The following WWOX variants were observed in gnomAD, a reference collection of about 807,000 sequenced individuals.
WWOX encodes the protein WW domain containing oxidoreductase, also known as WW domain-containing oxidoreductase.
Under a neutral mutation model 46.2 loss-of-function variants are expected in WWOX, and 69 were observed. That is an observed-to-expected ratio of 1.49 (90% CI 1.23 to 1.82). The LOEUF is 1.82. Ranked by LOEUF, WWOX falls within the 40% of genes most tolerant of loss-of-function variation. The pLI, the probability that WWOX is intolerant of heterozygous loss-of-function variation, is 0.00. For missense variants in WWOX, 919 were observed against 542.6 expected (o/e 1.69, Z -6.89); for synonymous variants, 359 against 202.6 (o/e 1.77, Z -6.56).
At chr16:78,943,844 G>A (rs968727227) in intron 8 of WWOX, among the ~76,000 whole-genome samples, 2 of 152,098 alleles carry the variant, frequency 1.3e-5, no homozygotes, top group African/African-American at 2.4e-5. Context: ...CCGATGTCCC[G>A]AAAGAGCACA....
At chr16:78,814,358 TAATTC>T (rs1289621343) in intron 8 of WWOX, among the ~76,000 whole-genome samples, 1 of 152,142 alleles carries the variant, frequency 6.6e-6, no homozygotes, top group African/African-American at 2.4e-5. Context: ...TTTTCTATAT[TAATTC>T]AAATCATATT....
At chr16:78,244,761 G>A (rs1269605271) in intron 5 of WWOX, among the ~76,000 whole-genome samples, 1 of 152,120 alleles carries the variant, frequency 6.6e-6, no homozygotes, top group Non-Finnish European at 1.5e-5. Context: ...AAGTAGGCGG[G>A]CCCGAAATGT....
intron 8 of WWOX, among the ~76,000 whole-genome samples, chr16:78,460,896 G>T (rs1285970679): frequency 1.3e-5 from 2 of 152,184 alleles, no homozygotes; most frequent in Non-Finnish European, 2.9e-5. Context: ...TGTTTTCTCT[G>T]GAGAATAATT....
intron 7 of WWOX, 109 bp from the exon 8 acceptor site, chr16:78,432,379 T>A (rs183911563): frequency 1.4e-4 from 205 of 1,452,050 alleles, no homozygotes; most frequent in Middle Eastern, 8.8e-4. Flanking sequence ...GTGCTCGGAT[T>A]ACAGATGTGA....
chr16:78,855,859 G>A (rs1372090757), intron 8 of WWOX, among the ~76,000 whole-genome samples: 1 of 152,168 alleles, frequency 6.6e-6, no homozygotes, highest in African/African-American at 2.4e-5. Flanking sequence ...AAGCCCAGGG[G>A]ATCCAGGGAA....
At chr16:78,533,175 T>C (rs2043665564) in intron 8 of WWOX, among the ~76,000 whole-genome samples, 1 of 152,058 alleles carries the variant, frequency 6.6e-6, no homozygotes, top group African/African-American at 2.4e-5. Flanking sequence ...CCTGAGGCTA[T>C]CTTTACAGGT....
intron 8 of WWOX, among the ~76,000 whole-genome samples, chr16:79,085,291 A>T (rs1004828438): frequency 2.0e-5 from 3 of 152,110 alleles, no homozygotes; most frequent in Non-Finnish European, 4.4e-5. Flanking sequence ...TTTCCCAATG[A>T]TGAAGGAGCT....
Position 78,585,635 on chromosome 16 carries a change from G to A in WWOX, c.1056+152883G>A, listed in dbSNP as rs74029575. The stretch of plus-strand genomic sequence containing the variant: ...CTCAAGTCACTTCGCAGCACAATCC[G>A]TTTGTTGTTGCTGTTGTTTTTTCTT... On this transcript the variant is annotated intron_variant, in intron 8 of 8. Transcript: ENST00000566780. Among the ~76,000 whole-genome samples the A allele has an allele frequency of 6.2e-3, 944 of 151,234 alleles. 9 individuals carry two copies. Among genetic ancestry groups the A allele is most frequent in the African/African-American group, 0.022 (895 of 41,252 alleles).
chr16:79,174,353 A>T (rs1456402289), intron 8 of WWOX, among the ~76,000 whole-genome samples: 1 of 152,208 alleles, frequency 6.6e-6, no homozygotes, highest in Non-Finnish European at 1.5e-5. Context: ...ATCCTTCAAG[A>T]TTAAGAAGGG....
intron 5 of WWOX, among the ~76,000 whole-genome samples, chr16:78,241,432 T>G (rs183570963): frequency 6.6e-5 from 10 of 152,142 alleles, no homozygotes; most frequent in Non-Finnish European, 1.2e-4. Flanking sequence ...TTTTTTGGTT[T>G]GTTTGTTTGT....
At chr16:78,103,794 G>A (rs2031955879) in intron 1 of WWOX, among the ~76,000 whole-genome samples, 1 of 151,974 alleles carries the variant, frequency 6.6e-6, no homozygotes, top group South Asian at 2.1e-4. Flanking sequence ...CCATGGCCAG[G>A]GATAGAGGCT....
At chr16:78,925,063 T>A (rs1262564560) in intron 8 of WWOX, among the ~76,000 whole-genome samples, 1 of 152,036 alleles carries the variant, frequency 6.6e-6, no homozygotes, top group African/African-American at 2.4e-5. Flanking sequence ...GGCATGGTGG[T>A]GTGTGCCTGT....
Position 78,775,046 on chromosome 16 carries a change from C to T in WWOX, c.1056+342294C>T, listed in dbSNP as rs531034041. On this transcript the variant is annotated intron_variant, in intron 8 of 8. Coordinates refer to ENST00000566780, the MANE Select transcript of WWOX (RefSeq NM_016373.4). Reference sequence around the variant, plus strand: ...GCGAGAGACATCACAGCCCTCACTCCTGAGGGTGGGGAGCCATCTCAGGCT... The same window carrying T: ...GCGAGAGACATCACAGCCCTCACTCTTGAGGGTGGGGAGCCATCTCAGGCT... 5.9e-5 allele frequency among the ~76,000 whole-genome samples: 9 copies of T among 152,228 alleles called. No individual in the cohort carries two copies. In the South Asian group the frequency reaches 1.5e-3, roughly 25 times the overall value.
chr16:78,961,719 G>A (rs2046274500), intron 8 of WWOX, among the ~76,000 whole-genome samples: 1 of 152,090 alleles, frequency 6.6e-6, no homozygotes. Flanking sequence ...ATCACTTCCT[G>A]ATTTTCTGGT....
intron 8 of WWOX, among the ~76,000 whole-genome samples, chr16:79,065,742 C>G (rs540802661): frequency 6.6e-6 from 1 of 152,154 alleles, no homozygotes; most frequent in African/African-American, 2.4e-5. Flanking sequence ...ATCATTCTTG[C>G]TTTAAGATTA....
intron 8 of WWOX, among the ~76,000 whole-genome samples, chr16:79,209,011 T>C (rs986176531): frequency 1.3e-5 from 2 of 152,132 alleles, no homozygotes; most frequent in Non-Finnish European, 2.9e-5. Flanking sequence ...GTAGAGAAGG[T>C]CGTCTTTGCT....
At chr16:78,324,681 AGTT>A (rs2080570547) in intron 5 of WWOX, among the ~76,000 whole-genome samples, 1 of 150,164 alleles carries the variant, frequency 6.7e-6, no homozygotes, top group African/African-American at 2.4e-5. Flanking sequence ...GAAAGAAGTT[AGTT>A]ACAAAAGTCC....
At chr16:79,013,285 C>T (rs1416619977) in intron 8 of WWOX, among the ~76,000 whole-genome samples, 1 of 152,124 alleles carries the variant, frequency 6.6e-6, no homozygotes, top group Non-Finnish European at 1.5e-5. Flanking sequence ...AATGCATACG[C>T]CTGTCCTCAT....
At chr16:79,020,078 C>T (rs899030309) in intron 8 of WWOX, among the ~76,000 whole-genome samples, 1 of 152,182 alleles carries the variant, frequency 6.6e-6, no homozygotes, top group African/African-American at 2.4e-5. Context: ...TGCATGGTTG[C>T]AGTGGATAGT....
Sources: allele counts gnomAD v4.1 joint callset (sites outside exome capture counted in the v4.1 genomes callset), GRCh38; gene constraint gnomAD v4.1.1; transcripts MANE v1.5; gene names NCBI Gene and HGNC (gene_info 2026-07-23, HGNC 2026-07-21).